PSMD12: variants seen among roughly 807,000 people sequenced by gnomAD.
PSMD12 encodes proteasome 26S subunit, non-ATPase 12.
A neutral mutation model predicts 62.9 loss-of-function variants in PSMD12; 8 were observed. That is an observed-to-expected ratio of 0.13 (90% confidence interval 0.07 to 0.23). The LOEUF (loss-of-function observed/expected upper bound fraction) is 0.23, where lower values mean the gene tolerates loss of function less well. Among genes scored for constraint, PSMD12 ranks in the 10% least tolerant of loss-of-function variants. PSMD12 has a pLI of 1.00. For synonymous variants in PSMD12, 173 were observed against 187.4 expected, an observed-to-expected ratio of 0.92 and a Z score of 0.63; for missense variants, 424 against 550.2, an observed-to-expected ratio of 0.77 and a Z score of 2.29.
chr17:67,355,070 A>C (rs1185531500), intron 3 of PSMD12, among the ~76,000 whole-genome samples: 3 of 149,634 alleles, frequency 2.0e-5, no homozygotes, highest in Non-Finnish European at 3.0e-5. Flanking sequence ...AATTCTTCAC[A>C]TCGGCTTGCA....
chr17:67,342,436 A>G (rs1028765225), intron 9 of PSMD12, 173 bp from the exon 10 acceptor site: 24 of 492,402 alleles, frequency 4.9e-5, no homozygotes, highest in Middle Eastern at 5.5e-4. Context: ...ACAAAACTAA[A>G]TACTTAGATA....
rs1262681596 is a variant in PSMD12, at chr17:67,348,594, T to G, written c.466A>C (p.Asn156His). 6.2e-7 allele frequency: 1 copy of G among 1,613,790 alleles called. No homozygotes were observed. Among genetic ancestry groups the G allele is most frequent in the African/African-American group, 1.3e-5 (1 of 74,922 alleles). ...TKTLATIKEQ[N>H]GDVKEAASIL... ...GAGGCTGCCTCTTTCACATCACCAT[T>G]TTGTTCTTTTATAGTTGCTAATGTT... The change falls in exon 5 of 11, where the codon AAT (asparagine) becomes CAT (histidine). Residue 156 changes from asparagine to histidine, a missense_variant. By Grantham distance (68) the Asn-to-His change is moderately conservative (BLOSUM62 1). Coordinates refer to ENST00000356126, the MANE Select transcript of PSMD12 (RefSeq NM_002816.5).
At chr17:67,348,809 G>GA (rs1377267580) in intron 4 of PSMD12, among the ~76,000 whole-genome samples, 155 bp from the exon 5 acceptor site, 1 of 152,036 alleles carries the variant, frequency 6.6e-6, no homozygotes. Context: ...ACCAGCCTGG[G>GA]AAACATGTTG....
intron 1 of PSMD12, among the ~76,000 whole-genome samples, chr17:67,362,534 C>T (rs777265055): frequency 2.7e-5 from 4 of 150,550 alleles, no homozygotes; most frequent in Non-Finnish European, 3.0e-5. Context: ...TGGTAGTGCA[C>T]GCCTGTAGTC....
At position 67,360,597 on chromosome 17, in the gene PSMD12, A is replaced by G. The variant is rs1036405989; in HGVS notation, c.109-3019T>C. ...TCATCACTGCAGTTCAGTGAGCTGC[A>G]TCACACCAAGCACATGCCACTGCTT... On this transcript the variant is annotated intron_variant, in intron 1 of 10. Coordinates refer to ENST00000356126, the MANE Select transcript of PSMD12 (RefSeq NM_002816.5). Among the ~76,000 whole-genome samples the G allele has an allele frequency of 4.6e-5, 7 of 152,344 alleles. No homozygotes were observed. The East Asian group carries it at 1.2e-3, about 25-fold the overall frequency.
intron 1 of PSMD12, among the ~76,000 whole-genome samples, chr17:67,360,059 T>A (rs2042115114): frequency 6.6e-6 from 1 of 152,164 alleles, no homozygotes; most frequent in Non-Finnish European, 1.5e-5. Flanking sequence ...GCTCCAAAGC[T>A]CTCTCCACTA....
In PSMD12 at chr17:67,345,767, A is replaced by C. The variant is rs1325234935; in HGVS notation, c.886T>G (p.Leu296Val). The C allele has an allele frequency of 6.2e-7, 1 of 1,610,648 alleles. No homozygotes were observed. The highest frequency in any genetic ancestry group is 8.5e-7 in the Non-Finnish European group (1 of 1,177,544). The change falls in exon 8 of 11, where the codon TTA (leucine) becomes GTA (valine). Residue 296 changes from leucine to valine, a missense_variant. Leu to Val is a conservative substitution (Grantham distance 32). Coordinates refer to ENST00000356126, the MANE Select transcript of PSMD12 (RefSeq NM_002816.5). ...LVHRISGDKK[L>V]EEIPKYKDLL... The stretch of plus-strand genomic sequence containing the variant: ...TACTTGTATTTGGGAATTTCTTCTA[A>C]CTTCTTGTCACCACTTATTCGGTGA...
intron 1 of PSMD12, among the ~76,000 whole-genome samples, chr17:67,358,567 C>CAAAAAAAAAAAAAAAAAAAAAAAA (rs398039153): frequency 5.0e-4 from 37 of 74,010 alleles, no homozygotes; most frequent in East Asian, 9.7e-4. Context: ...GAACCTGTCT[C>CAAAAAAAAAAAAAAAAAAAAAAAA]AAAAAAAAAA....
intron 9 of PSMD12, among the ~76,000 whole-genome samples, chr17:67,342,661 G>A (rs912688987): frequency 6.6e-6 from 1 of 152,064 alleles, no homozygotes; most frequent in Non-Finnish European, 1.5e-5. Flanking sequence ...GATCGATCGG[G>A]TGCAGGGACT....
At chr17:67,346,288 G>A (rs760074580) in intron 7 of PSMD12, among the ~76,000 whole-genome samples, 10 of 151,982 alleles carry the variant, frequency 6.6e-5, no homozygotes, top group African/African-American at 1.4e-4. Context: ...CCAGATACTC[G>A]GGAGGCTGAG....
At position 67,340,849 on chromosome 17, in the gene PSMD12, T is replaced by A. The variant is rs200044960; in HGVS notation, c.1365A>T (p.Leu455=). 71 of 1,571,086 alleles carry A rather than the reference T, an allele frequency of 4.5e-5. No homozygotes were observed. The East Asian group carries it at 1.6e-3, about 35-fold the overall frequency. ...TTCTAAAGCACTAAGACCCTTATTG[T>A]AGATTATGTATCATCTCCTCTTTGG... The part of the protein sequence containing the change: ...LIAKEEMIHN[L]Q The change falls in exon 11 of 11, where the codon CTA becomes CTT. Residue 455 remains leucine (L), a synonymous_variant. Coordinates refer to ENST00000356126, the MANE Select transcript of PSMD12 (RefSeq NM_002816.5).
At chr17:67,355,993 C>A (rs984994191) in intron 3 of PSMD12, among the ~76,000 whole-genome samples, 4 of 151,020 alleles carry the variant, frequency 2.6e-5, no homozygotes, top group African/African-American at 9.8e-5. Context: ...CACACACACA[C>A]ACACACACAC....
rs757033963 is a variant in PSMD12 at position 67,344,672 on chromosome 17, A to T, written c.1017T>A (p.Asp339Glu). The T allele has an allele frequency of 8.1e-6, 13 of 1,613,528 alleles. No individual in the cohort carries two copies. Among genetic ancestry groups the T allele is most frequent in the Non-Finnish European group, 1.1e-5 (13 of 1,179,722 alleles). Residue 339 changes from aspartate (D) to glutamate (E), a missense_variant, in exon 9 of 11, where the codon GAT becomes GAA. Transcript: ENST00000356126. ...RKGSLESPAT[D>E]VFGSTEEGEK... ...CACCTTCCTCTGTAGAACCAAAAAC[A>T]TCCGTTGCAGGACTCTCAAGGGAAC...
intron 3 of PSMD12, 98 bp from the exon 4 acceptor site, chr17:67,350,434 C>A: frequency 2.5e-6 from 2 of 791,582 alleles, no homozygotes; most frequent in South Asian, 2.3e-5. Context: ...CTTGGTCTTC[C>A]CAAGTAACTC....
Position 67,340,797 on chromosome 17 carries a change from T to C in PSMD12, c.*46A>G, listed in dbSNP as rs746742134. 2 of 1,451,072 alleles carry C rather than the reference T, an allele frequency of 1.4e-6. No homozygotes were observed. Among genetic ancestry groups the C allele is most frequent in the East Asian group, 5.0e-5 (2 of 40,124 alleles). 89.9% of individuals were successfully genotyped at this position (1,451,072 alleles called of 1,614,324 possible). On this transcript the variant is annotated 3_prime_UTR_variant, in exon 11 of 11. Coordinates refer to ENST00000356126, the MANE Select transcript of PSMD12 (RefSeq NM_002816.5). ...CATATACACCATTATAACAGTCTTTTTTTAATGACTTCCAATTTTAACTTT... is the reference window on the plus strand; with the variant it reads ...CATATACACCATTATAACAGTCTTTCTTTAATGACTTCCAATTTTAACTTT...
intron 9 of PSMD12, 22 bp from the exon 10 acceptor site, chr17:67,342,285 G>A (rs552070589): frequency 1.4e-6 from 2 of 1,435,132 alleles, no homozygotes; most frequent in South Asian, 2.4e-5. Context: ...ATAGAGAGCA[G>A]GGAGAACACG....
At position 67,340,706 on chromosome 17, in the gene PSMD12, A is replaced by C; in HGVS notation, c.*137T>G. 2 of 611,236 alleles carry C rather than the reference A, an allele frequency of 3.3e-6. No homozygotes were observed. The allele number at this position is 611,236 out of a possible 1,614,324, so 37.9% of individuals were successfully genotyped here. On this transcript the variant is annotated 3_prime_UTR_variant, in exon 11 of 11. Transcript: ENST00000356126. ...TGAACTTGGGGAACTGAAAGGTCAA[A>C]GGGAGTCTCAAACATATTCACTATT...
In PSMD12 at chr17:67,366,441, G is replaced by T. The variant is rs1168437403; in HGVS notation, c.79C>A (p.Arg27Ser). 1.2e-6 allele frequency: 2 copies of T among 1,612,316 alleles called. No individual in the cohort carries two copies. The highest frequency in any genetic ancestry group is 1.7e-6 in the Non-Finnish European group (2 of 1,179,318). The change falls in exon 1 of 11, where the codon CGC becomes AGC. Residue 27 changes from arginine to serine, a missense_variant. Arg to Ser is a moderately radical substitution (Grantham distance 110). Transcript: ENST00000356126. ...GCTAGCTTCGCACACTCGGGTAGGCGCTGATCCACCGTGGCGCTGTAGTCC... is the reference window on the plus strand; with the variant it reads ...GCTAGCTTCGCACACTCGGGTAGGCTCTGATCCACCGTGGCGCTGTAGTCC... The part of the protein sequence containing the change: ...EVDYSATVDQ[R>S]LPECAKLAKE...
At chr17:67,349,261 C>T (rs909041477) in intron 4 of PSMD12, among the ~76,000 whole-genome samples, 19 of 152,164 alleles carry the variant, frequency 1.2e-4, no homozygotes, top group Admixed American at 3.9e-4. Flanking sequence ...TTAGATGATC[C>T]GCCCACCTCG....
Sources: allele counts gnomAD v4.1 joint callset (sites outside exome capture counted in the v4.1 genomes callset), GRCh38; gene constraint gnomAD v4.1.1; transcripts MANE v1.5; gene names NCBI Gene and HGNC (gene_info 2026-07-23, HGNC 2026-07-21).